AHCYL2: variants seen among roughly 807,000 people sequenced by gnomAD.
AHCYL2 encodes the protein adenosylhomocysteinase like 2.
AHCYL2 carries 28 observed loss-of-function variants against 81.4 expected under a neutral mutation model. That is an observed-to-expected ratio of 0.34 (90% CI 0.25 to 0.47). AHCYL2 has a LOEUF of 0.47. AHCYL2 is among the 20% of genes least tolerant of loss of function. The pLI is 1.00. For synonymous variants in AHCYL2, 272 were observed against 290.2 expected (o/e 0.94, Z 0.64); for missense variants, 551 against 785.1 (o/e 0.70, Z 3.56).
At chr7:129,258,747 G>A (rs939284572) in intron 1 of AHCYL2, among the ~76,000 whole-genome samples, 20 of 152,098 alleles carry the variant, frequency 1.3e-4, no homozygotes, top group African/African-American at 4.6e-4. Context: ...CTTTTGAGTA[G>A]CCTGAGTTTT....
At chr7:129,350,064 T>C (rs1793502981) in intron 1 of AHCYL2, among the ~76,000 whole-genome samples, 1 of 152,226 alleles carries the variant, frequency 6.6e-6, no homozygotes, top group Admixed American at 6.5e-5. Context: ...GTGGTCATTT[T>C]TGCCTATTGC....
chr7:129,277,274 C>T (rs922988161), intron 1 of AHCYL2, among the ~76,000 whole-genome samples: 1 of 142,114 alleles, frequency 7.0e-6, no homozygotes, highest in Admixed American at 7.2e-5. Context: ...TCTAAAGTCT[C>T]TCTCTTTTTT....
chr7:129,291,473 G>A (rs981176454), intron 1 of AHCYL2, among the ~76,000 whole-genome samples: 1 of 149,750 alleles, frequency 6.7e-6, no homozygotes, highest in East Asian at 2.0e-4. Flanking sequence ...TTTTACCGGA[G>A]CCTCTGCTGT....
intron 1 of AHCYL2, among the ~76,000 whole-genome samples, chr7:129,367,635 C>T (rs906729106): frequency 6.6e-6 from 1 of 152,098 alleles, no homozygotes; most frequent in Admixed American, 6.5e-5. Flanking sequence ...GGTTGGAAAC[C>T]CTGGCTGTCC....
chr7:129,363,784 C>T (rs1008220844), intron 1 of AHCYL2, among the ~76,000 whole-genome samples: 2 of 151,992 alleles, frequency 1.3e-5, no homozygotes, highest in African/African-American at 4.8e-5. Flanking sequence ...GTGATCCACC[C>T]GCCTCGGCCT....
At chr7:129,408,846 T>G (rs1327956582) in intron 10 of AHCYL2, among the ~76,000 whole-genome samples, 1 of 152,182 alleles carries the variant, frequency 6.6e-6, no homozygotes, top group Non-Finnish European at 1.5e-5. Context: ...AGATGTATCA[T>G]GGAGTCCAAG....
At chr7:129,337,043 T>G (rs959745824) in intron 1 of AHCYL2, among the ~76,000 whole-genome samples, 2 of 152,304 alleles carry the variant, frequency 1.3e-5, no homozygotes, top group African/African-American at 4.8e-5. Flanking sequence ...CACTACATGC[T>G]GGCTAACATA....
chr7:129,273,732 A>G (rs188282151), intron 1 of AHCYL2, among the ~76,000 whole-genome samples: 14 of 152,320 alleles, frequency 9.2e-5, no homozygotes, highest in South Asian at 2.1e-4. Flanking sequence ...ATGTTAAACA[A>G]TAGGGCTTCT....
intron 1 of AHCYL2, among the ~76,000 whole-genome samples, chr7:129,269,710 A>G (rs1389605719): frequency 1.3e-5 from 2 of 152,224 alleles, no homozygotes; most frequent in Non-Finnish European, 2.9e-5. Context: ...TGTAGCCACC[A>G]TATCCGGCCC....
intron 1 of AHCYL2, among the ~76,000 whole-genome samples, chr7:129,243,114 G>A (rs757485664): frequency 6.8e-6 from 1 of 146,306 alleles, no homozygotes; most frequent in Admixed American, 7.0e-5. Flanking sequence ...TCTGAAGCCC[G>A]AGTTCAAGCA....
In AHCYL2 at chr7:129,399,032, C is replaced by T. The variant is rs184147086; in HGVS notation, c.824-1258C>T. On this transcript the variant is annotated intron_variant, in intron 5 of 16. Transcript: ENST00000325006. ...TGGTGCAGGCCTGTAATCCTAGCTA[C>T]TCATGAGGCTGAGGCAGGAGAATCG... is the stretch of plus-strand genomic sequence containing the variant. Among the ~76,000 whole-genome samples, 32 of 149,204 alleles carry T rather than the reference C, an allele frequency of 2.1e-4. No individual in the cohort carries two copies. In the East Asian group the frequency reaches 5.0e-3, roughly 24 times the overall value.
chr7:129,422,765 G>T, intron 12 of AHCYL2, 75 bp from the exon 13 acceptor site: 1 of 1,314,440 alleles, frequency 7.6e-7, no homozygotes, highest in Non-Finnish European at 1.1e-6. Context: ...ATTTGAAATG[G>T]CTCCCTTCAA....
chr7:129,375,470 G>A (rs1183832536), intron 1 of AHCYL2, among the ~76,000 whole-genome samples: 1 of 152,130 alleles, frequency 6.6e-6, no homozygotes, highest in Non-Finnish European at 1.5e-5. Flanking sequence ...AACCTAATTA[G>A]CAAGTTAATT....
intron 1 of AHCYL2, among the ~76,000 whole-genome samples, chr7:129,318,040 G>A (rs1563194160): frequency 6.6e-6 from 1 of 151,968 alleles, no homozygotes; most frequent in South Asian, 2.1e-4. Context: ...TTTTCTAATG[G>A]CTCTTTTATG....
chr7:129,265,361 G>A (rs1284204477), intron 1 of AHCYL2, among the ~76,000 whole-genome samples: 1 of 152,172 alleles, frequency 6.6e-6, no homozygotes, highest in Non-Finnish European at 1.5e-5. Context: ...GGTTGATGGT[G>A]GGATTTAGGA....
chr7:129,285,283 A>G (rs1236292480), intron 1 of AHCYL2, among the ~76,000 whole-genome samples: 1 of 152,224 alleles, frequency 6.6e-6, no homozygotes, highest in Admixed American at 6.5e-5. Context: ...TCCTGGAGTC[A>G]TTCTTGCAAG....
intron 1 of AHCYL2, among the ~76,000 whole-genome samples, chr7:129,348,351 C>T (rs1328766027): frequency 6.6e-6 from 1 of 151,928 alleles, no homozygotes; most frequent in Non-Finnish European, 1.5e-5. Context: ...TGCAGAACTA[C>T]ATGTATGATA....
chr7:129,251,811 A>G (rs1268909920), intron 1 of AHCYL2, among the ~76,000 whole-genome samples: 2 of 152,172 alleles, frequency 1.3e-5, no homozygotes, highest in African/African-American at 4.8e-5. Context: ...TTCCAGTTCA[A>G]ATACGTCCAT....
intron 1 of AHCYL2, among the ~76,000 whole-genome samples, chr7:129,272,522 G>T (rs1279036885): frequency 6.6e-6 from 1 of 152,178 alleles, no homozygotes; most frequent in East Asian, 1.9e-4. Flanking sequence ...TTTGGTGAGG[G>T]TTAAAGATGG....
Sources: gnomAD v4.1 joint callset for allele counts (sites outside exome capture counted in the v4.1 genomes callset) on GRCh38, gnomAD v4.1.1 for gene constraint, MANE v1.5 for transcripts, NCBI Gene and HGNC (gene_info 2026-07-23, HGNC 2026-07-21) for gene names.